The following PKNOX2 variants were observed in gnomAD, a reference collection of about 807,000 sequenced individuals.
The protein encoded by PKNOX2 is PBX/knotted 1 homeobox 2, also known as homeobox protein PKNOX2.
Under a neutral mutation model 53.1 loss-of-function variants are expected in PKNOX2, and 14 were observed. That is an observed-to-expected ratio of 0.26 (90% CI 0.17 to 0.41). PKNOX2 has a LOEUF of 0.41. Ranked by LOEUF, PKNOX2 falls within the 10% of genes least tolerant of loss-of-function variation. The pLI, the probability that PKNOX2 is intolerant of heterozygous loss-of-function variation, is 1.00. For missense variants in PKNOX2, 496 were observed against 602.8 expected (o/e 0.82, Z 1.85); for synonymous variants, 257 against 242.8 (o/e 1.06, Z -0.54).
At chr11:125,378,334 A>T in intron 5 of PKNOX2, among the ~76,000 whole-genome samples, 1 of 152,254 alleles carries the variant, frequency 6.6e-6, no homozygotes, top group Admixed American at 6.5e-5. Context: ...GAGCAGTGGG[A>T]CCCTGACCAG....
chr11:125,164,858 C>T, intron 1 of PKNOX2, 82 bp downstream of exon 1: 2 of 176,078 alleles, frequency 1.1e-5, no homozygotes, highest in Non-Finnish European at 2.3e-5. Context: ...CTGCGGGCGG[C>T]TGCCTCAGAG....
chr11:125,273,684 C>T (rs920142871), intron 2 of PKNOX2, among the ~76,000 whole-genome samples: 1 of 152,176 alleles, frequency 6.6e-6, no homozygotes, highest in East Asian at 1.9e-4. Context: ...CATGGTGTGA[C>T]CTTGGGCAAC....
At chr11:125,215,687 G>T (rs544820227) in intron 1 of PKNOX2, among the ~76,000 whole-genome samples, 2 of 150,000 alleles carry the variant, frequency 1.3e-5, no homozygotes, top group Non-Finnish European at 3.0e-5. Flanking sequence ...GGGAGGCAGA[G>T]GTTGCAGTGA....
intron 1 of PKNOX2, among the ~76,000 whole-genome samples, chr11:125,197,652 GAAAAA>G (rs1937888438): frequency 1.3e-5 from 2 of 151,970 alleles, no homozygotes; most frequent in African/African-American, 4.8e-5. Context: ...CAAAGCAGAG[GAAAAA>G]CAACAACAAC....
intron 1 of PKNOX2, among the ~76,000 whole-genome samples, chr11:125,187,723 A>G (rs990794974): frequency 2.6e-5 from 4 of 151,992 alleles, no homozygotes; most frequent in African/African-American, 7.3e-5. Flanking sequence ...ATAGCAGGTG[A>G]AAGAGGCATC....
chr11:125,183,867 C>T (rs59533848), intron 1 of PKNOX2, among the ~76,000 whole-genome samples: 3,564 of 152,232 alleles, frequency 0.023, 153 homozygotes, highest in African/African-American at 0.081. Context: ...GGTCAGGGAA[C>T]GGTTACACCC....
intron 2 of PKNOX2, among the ~76,000 whole-genome samples, chr11:125,291,079 G>A (rs1330495199): frequency 6.6e-6 from 1 of 152,220 alleles, no homozygotes; most frequent in Non-Finnish European, 1.5e-5. Flanking sequence ...CTTGCCCTGA[G>A]CTGCCCCATT....
intron 4 of PKNOX2, among the ~76,000 whole-genome samples, chr11:125,356,221 C>T (rs1951607031): frequency 6.6e-6 from 1 of 152,188 alleles, no homozygotes; most frequent in Non-Finnish European, 1.5e-5. Context: ...AAGCAGAAAT[C>T]CTGGTAGATC....
chr11:125,382,550 G>A (rs1219879807), intron 5 of PKNOX2, among the ~76,000 whole-genome samples: 2 of 152,198 alleles, frequency 1.3e-5, no homozygotes, highest in East Asian at 3.9e-4. Flanking sequence ...AATGGCAGCA[G>A]GCATCTGTTG....
chr11:125,211,850 T>A (rs1939888231), intron 1 of PKNOX2, among the ~76,000 whole-genome samples: 1 of 151,984 alleles, frequency 6.6e-6, no homozygotes, highest in Non-Finnish European at 1.5e-5. Context: ...GTATTGAGGG[T>A]CAGATTGCAG....
intron 4 of PKNOX2, among the ~76,000 whole-genome samples, chr11:125,351,722 T>A (rs1951335621): frequency 6.6e-6 from 1 of 152,010 alleles, no homozygotes; most frequent in Admixed American, 6.5e-5. Context: ...AAATCCACAG[T>A]GGGGGAGACC....
In PKNOX2 at chr11:125,389,196, A is replaced by AAAAC. The variant is rs71462898; in HGVS notation, c.399+3494_399+3497dup. On this transcript the variant is annotated intron_variant, in intron 6 of 12. Transcript: ENST00000298282. ...GGCAGCAAAGTAAGACTCCATTTCAAAAACAAACAAACAAACAAACAAAAA... is the reference window on the plus strand; with the variant it reads ...GGCAGCAAAGTAAGACTCCATTTCAAAAACAAACAAACAAACAAACAAACAAAAA... 3.8e-3 allele frequency among the ~76,000 whole-genome samples: 569 copies of AAAAC among 151,484 alleles called. 3 individuals carry two copies. The highest frequency in any genetic ancestry group is 0.012 in the African/African-American group (513 of 41,084).
intron 2 of PKNOX2, among the ~76,000 whole-genome samples, chr11:125,263,287 A>C (rs1438060710): frequency 2.0e-5 from 3 of 152,158 alleles, no homozygotes; most frequent in Non-Finnish European, 4.4e-5. Context: ...CCATCCTGCC[A>C]GGGCAGGCTC....
chr11:125,167,127 G>T (rs1420412001), intron 1 of PKNOX2, among the ~76,000 whole-genome samples: 1 of 151,550 alleles, frequency 6.6e-6, no homozygotes, highest in Non-Finnish European at 1.5e-5. Context: ...TGGGGTGTGG[G>T]GTGGGAAGGG....
At position 125,350,492 on chromosome 11, in the gene PKNOX2, G is replaced by A. The variant is rs559403363; in HGVS notation, c.-22-792G>A. On this transcript the variant is annotated intron_variant, in intron 3 of 12. Transcript: ENST00000298282. ...CTTCTACCAGCCAAAGAGGCAGGTA[G>A]ACCATTTGGCTCTGATAGCTCTTCT... Among the ~76,000 whole-genome samples the A allele has an allele frequency of 2.0e-5, 3 of 152,170 alleles. No homozygotes were observed. The East Asian group carries it at 5.8e-4, about 29-fold the overall frequency.
intron 3 of PKNOX2, among the ~76,000 whole-genome samples, chr11:125,342,654 C>T (rs1591535060): frequency 6.6e-6 from 1 of 152,076 alleles, no homozygotes; most frequent in South Asian, 2.1e-4. Flanking sequence ...CAGCTCTTGA[C>T]AAATAATAAT....
intron 1 of PKNOX2, among the ~76,000 whole-genome samples, chr11:125,182,223 C>G (rs953760753): frequency 1.3e-5 from 2 of 152,130 alleles, no homozygotes; most frequent in African/African-American, 4.8e-5. Context: ...TGTGGTCCCC[C>G]CAGTCCCAGC....
intron 10 of PKNOX2, among the ~76,000 whole-genome samples, chr11:125,425,970 C>G (rs1956393583): frequency 1.3e-5 from 2 of 152,162 alleles, no homozygotes; most frequent in Admixed American, 1.3e-4. Context: ...TGGTTAGGGG[C>G]TTTCTATCCT....
At chr11:125,268,821 T>A (rs1165112535) in intron 2 of PKNOX2, among the ~76,000 whole-genome samples, 2 of 152,110 alleles carry the variant, frequency 1.3e-5, no homozygotes, top group African/African-American at 2.4e-5. Flanking sequence ...TCTCTGAGAA[T>A]TCCGTGACCC....
Sources: gnomAD v4.1 joint callset for allele counts (sites outside exome capture counted in the v4.1 genomes callset) on GRCh38, gnomAD v4.1.1 for gene constraint, MANE v1.5 for transcripts, NCBI Gene and HGNC (gene_info 2026-07-23, HGNC 2026-07-21) for gene names.